The following MTAP variants were observed in gnomAD, a reference collection of about 807,000 sequenced individuals.
MTAP encodes methylthioadenosine phosphorylase, also known as S-methyl-5'-thioadenosine phosphorylase.
A neutral mutation model predicts 33.6 loss-of-function variants in MTAP; 33 were observed. That is an observed-to-expected ratio of 0.98 (90% CI 0.74 to 1.31). The LOEUF is 1.31. Ranked by LOEUF, MTAP falls within the 40% of genes most tolerant of loss-of-function variation. The pLI, the probability that MTAP is intolerant of heterozygous loss-of-function variation, is 0.00. For missense variants in MTAP, 367 were observed against 360.0 expected, an observed-to-expected ratio of 1.02 and a Z score of -0.16; for synonymous variants, 148 against 125.7, an observed-to-expected ratio of 1.18 and a Z score of -1.19.
chr9:21,842,469 G>T (rs1341794755), intron 5 of MTAP, among the ~76,000 whole-genome samples: 1 of 152,108 alleles, frequency 6.6e-6, no homozygotes, highest in Non-Finnish European at 1.5e-5. Context: ...GCTATCTAAA[G>T]TCAAGATGAA....
Position 21,859,427 on chromosome 9 carries a change from T to TAAGTG in MTAP, c.813+3_813+7dup. On this transcript the variant is annotated splice_region_variant and intron_variant, in intron 7 of 7. Transcript: ENST00000644715. ...TCAGAAACCCTCCATAACCTGAAGG[T>TAAGTG]AAGTGTCAGCCATGGACAATCAGGC... 6.2e-7 allele frequency: 1 copy of TAAGTG among 1,608,494 alleles called. No homozygotes were observed. The highest frequency in any genetic ancestry group is 1.3e-5 in the African/African-American group (1 of 74,658).
intron 1 of MTAP, among the ~76,000 whole-genome samples, chr9:21,903,990 A>G (rs1170817442): frequency 6.6e-6 from 1 of 152,014 alleles, no homozygotes; most frequent in African/African-American, 2.4e-5. Flanking sequence ...GGACTTGGAG[A>G]ATTAGTGCAA....
chr9:21,890,809 C>A (rs958747739), intron 1 of MTAP, among the ~76,000 whole-genome samples: 3 of 152,158 alleles, frequency 2.0e-5, no homozygotes, highest in Non-Finnish European at 4.4e-5. Context: ...TCTCACAGAG[C>A]TTGCAGTGGC....
At chr9:21,809,625 T>G (rs1188101396) in intron 1 of MTAP, among the ~76,000 whole-genome samples, 3 of 144,266 alleles carry the variant, frequency 2.1e-5, no homozygotes, top group African/African-American at 2.7e-5. Context: ...GGCGACAGAG[T>G]GAGACTCCGT....
Position 21,866,199 on chromosome 9 carries a change from G to A in MTAP, c.*4185G>A, listed in dbSNP as rs1587261580. ...CATTCACATATTTCGTGAACTATCTGTACAAATATTTTTGTTTATTAAAAA... is the reference window on the plus strand; with the variant it reads ...CATTCACATATTTCGTGAACTATCTATACAAATATTTTTGTTTATTAAAAA... On this transcript the variant is annotated 3_prime_UTR_variant, in exon 8 of 8. Transcript: ENST00000644715. 2 of 152,170 alleles carry A rather than the reference G, an allele frequency of 1.3e-5. No homozygotes were observed. The highest frequency in any genetic ancestry group is 2.1e-4 in the South Asian group (1 of 4,826). The allele number at this position is 152,170 out of a possible 1,614,324, so 9.4% of individuals were successfully genotyped here. A position where few individuals can be genotyped will look rare whatever the true frequency, so the allele number is the denominator to read the frequency against.
intron 1 of MTAP, chr9:21,892,511 TA>T (rs113680161): frequency 1.3e-5 from 2 of 151,462 alleles, no homozygotes; most frequent in African/African-American, 4.8e-5. Context: ...CCAACAATGA[TA>T]AAAAAAGACA....
chr9:21,918,551 A>C (rs1490489943), intron 1 of MTAP, among the ~76,000 whole-genome samples: 2 of 152,044 alleles, frequency 1.3e-5, no homozygotes, highest in Non-Finnish European at 2.9e-5. Context: ...AAACTATTGA[A>C]ATTAAAAAAA....
At chr9:21,802,846 G>C (rs1824085888) in intron 1 of MTAP, 65 bp downstream of exon 1, 1 of 1,597,958 alleles carries the variant, frequency 6.3e-7, no homozygotes, top group African/African-American at 1.4e-5. Context: ...CCCGCGCCGG[G>C]GGACCGCGCC....
intron 5 of MTAP, among the ~76,000 whole-genome samples, chr9:21,852,706 TGAA>T (rs1478137511): frequency 3.2e-4 from 43 of 134,148 alleles, no homozygotes; most frequent in Admixed American, 1.2e-3. Context: ...ACTATTGAAA[TGAA>T]AAAAAAAAAA....
At chr9:21,873,830 C>A (rs943507988) in intron 1 of MTAP, among the ~76,000 whole-genome samples, 2 of 151,980 alleles carry the variant, frequency 1.3e-5, no homozygotes, top group Non-Finnish European at 2.9e-5. Context: ...TAAATATCAA[C>A]ATGAAAAGGT....
intron 1 of MTAP, among the ~76,000 whole-genome samples, chr9:21,809,589 A>T (rs1258535704): frequency 6.6e-6 from 1 of 151,698 alleles, no homozygotes; most frequent in Admixed American, 6.6e-5. Context: ...CAGTGAGCCG[A>T]GATCGCACCA....
intron 4 of MTAP, among the ~76,000 whole-genome samples, chr9:21,828,531 A>C (rs988704195): frequency 4.6e-5 from 7 of 152,130 alleles, no homozygotes; most frequent in Non-Finnish European, 8.8e-5. Context: ...AAAAAAAAGT[A>C]GCCAGGTGTG....
chr9:21,841,283 T>G (rs1435161456), intron 5 of MTAP, among the ~76,000 whole-genome samples: 1 of 152,220 alleles, frequency 6.6e-6, no homozygotes. Context: ...CAGCTGGTGC[T>G]CTCTTGAAAG....
intron 4 of MTAP, among the ~76,000 whole-genome samples, chr9:21,828,356 A>C (rs1824875821): frequency 6.6e-6 from 1 of 152,164 alleles, no homozygotes; most frequent in African/African-American, 2.4e-5. Flanking sequence ...ACTTTACAAC[A>C]ACAGGAGGAA....
chr9:21,912,940 G>A (rs1818605031), intron 1 of MTAP, among the ~76,000 whole-genome samples: 1 of 152,112 alleles, frequency 6.6e-6, no homozygotes, highest in Admixed American at 6.6e-5. Flanking sequence ...CAAAGTCTCA[G>A]GATACAAAAT....
intron 6 of MTAP, among the ~76,000 whole-genome samples, chr9:21,857,286 C>T (rs1011952053): frequency 6.6e-6 from 1 of 152,190 alleles, no homozygotes; most frequent in African/African-American, 2.4e-5. Context: ...TGCTTCATGT[C>T]TGCATTCAAA....
intron 5 of MTAP, among the ~76,000 whole-genome samples, chr9:21,848,312 T>C (rs1282691058): frequency 1.3e-5 from 2 of 152,124 alleles, no homozygotes. Context: ...AAAGAACCGC[T>C]TGAGTTTTCT....
At chr9:21,873,537 G>C (rs557276577) in intron 1 of MTAP, among the ~76,000 whole-genome samples, 4 of 152,098 alleles carry the variant, frequency 2.6e-5, no homozygotes, top group African/African-American at 7.2e-5. Context: ...CTAGAAGGTG[G>C]CATCTATGAA....
downstream of MTAP, chr9:21,933,189 C>G (rs1206255112): frequency 6.6e-6 from 1 of 152,132 alleles, no homozygotes; most frequent in African/African-American, 2.4e-5. Context: ...AGTAATCTAG[C>G]TTTTTTCTTT....
Sources: gnomAD v4.1 joint callset for allele counts (sites outside exome capture counted in the v4.1 genomes callset) on GRCh38, gnomAD v4.1.1 for gene constraint, MANE v1.5 for transcripts, NCBI Gene and HGNC (gene_info 2026-07-23, HGNC 2026-07-21) for gene names.